FRK: variants seen among roughly 807,000 people sequenced by gnomAD.
FRK encodes tyrosine-protein kinase FRK.
A neutral mutation model predicts 56.4 loss-of-function variants in FRK; 51 were observed. The observed-to-expected ratio is 0.90, with a 90% CI of 0.72 to 1.14. FRK has a LOEUF of 1.14. Among genes scored for constraint, FRK ranks in the 50% most tolerant of loss-of-function variants. The pLI is 0.00. For missense variants in FRK, 570 were observed against 601.4 expected (o/e 0.95, Z 0.55); for synonymous variants, 245 against 217.9 (o/e 1.12, Z -1.10).
chr6:116,091,540 G>A, the FRK span, among the ~76,000 whole-genome samples: 12 of 152,230 alleles, frequency 7.9e-5, no homozygotes, highest in Middle Eastern at 3.4e-3. Flanking sequence ...AGAACCCACC[G>A]GAAGGAACCA....
In FRK at chr6:115,933,071, C is replaced by T. The variant is rs572079077; in HGVS notation, c.*9343G>A. 1.3e-5 allele frequency: 2 copies of T among 152,118 alleles called. No individual in the cohort carries two copies. The highest frequency in any genetic ancestry group is 1.9e-4 in the East Asian group (1 of 5,178). The allele number at this position is 152,118 out of a possible 1,614,324, so 9.4% of individuals were successfully genotyped here. ...GAGTCTACCCTGTGCCTCTTTTGAC[C>T]TTAGGTAACTTAAATCTATTCCCTT... On this transcript the variant is annotated 3_prime_UTR_variant, in exon 8 of 8. Transcript: ENST00000606080.
chr6:115,951,129 T>A (rs929576884), intron 5 of FRK, among the ~76,000 whole-genome samples: 10 of 151,922 alleles, frequency 6.6e-5, no homozygotes, highest in African/African-American at 2.2e-4. Flanking sequence ...GTAACAGAAC[T>A]GCATGTTCTA....
chr6:116,052,656 G>A (rs1025073056), intron 1 of FRK, among the ~76,000 whole-genome samples: 2 of 151,990 alleles, frequency 1.3e-5, no homozygotes, highest in Non-Finnish European at 2.9e-5. Flanking sequence ...GAACAAATAG[G>A]GTGAGACTTG....
At chr6:116,080,654 C>T in the FRK span, among the ~76,000 whole-genome samples, 2 of 151,916 alleles carry the variant, frequency 1.3e-5, no homozygotes, top group African/African-American at 2.4e-5. Context: ...ACTTTCCACA[C>T]GTTAGAGAAA....
intron 5 of FRK, among the ~76,000 whole-genome samples, chr6:115,947,518 G>A (rs759126574): frequency 6.6e-6 from 1 of 151,952 alleles, no homozygotes; most frequent in Non-Finnish European, 1.5e-5. Context: ...CTAGTTCTGG[G>A]CAATGCAATG....
intron 2 of FRK, among the ~76,000 whole-genome samples, chr6:116,000,223 C>CTTTTTTTTTTTTTTTTTT (rs561273499): frequency 1.1e-4 from 6 of 53,110 alleles, no homozygotes; most frequent in South Asian, 1.0e-3. Context: ...ATCATTCTTT[C>CTTTTTTTTTTTTTTTTTT]TTTTTTTTTT....
chr6:116,049,278 C>T (rs921571059), intron 1 of FRK, among the ~76,000 whole-genome samples: 7 of 152,106 alleles, frequency 4.6e-5, no homozygotes, highest in Non-Finnish European at 1.0e-4. Flanking sequence ...TACAACTTGC[C>T]ATTCCCCGAA....
the FRK span, among the ~76,000 whole-genome samples, chr6:116,080,796 C>T: frequency 6.6e-6 from 1 of 152,136 alleles, no homozygotes; most frequent in Non-Finnish European, 1.5e-5. Context: ...CAAATTAACA[C>T]TACAATGAGA....
intron 1 of FRK, among the ~76,000 whole-genome samples, chr6:116,027,402 A>C (rs1776132875): frequency 6.6e-6 from 1 of 152,200 alleles, no homozygotes; most frequent in Non-Finnish European, 1.5e-5. Context: ...CTGGTTTAAA[A>C]AATCGAATCT....
At position 115,952,571 on chromosome 6, in the gene FRK, G is replaced by C. The variant is rs1772808000; in HGVS notation, c.958+3881C>G. Reference sequence around the variant, plus strand: ...ATTTGACCCAGCCATCCCATTACTGGGTATATACCCAAAGGACTATAAATC... The same window carrying C: ...ATTTGACCCAGCCATCCCATTACTGCGTATATACCCAAAGGACTATAAATC... On this transcript the variant is annotated intron_variant, in intron 5 of 7. Transcript: ENST00000606080. Among the ~76,000 whole-genome samples the C allele has an allele frequency of 2.6e-5, 4 of 151,126 alleles. No individual in the cohort carries two copies. The South Asian group carries it at 8.5e-4, about 32-fold the overall frequency.
chr6:115,984,576 A>T (rs1774320468), intron 2 of FRK, among the ~76,000 whole-genome samples: 1 of 151,994 alleles, frequency 6.6e-6, no homozygotes, highest in South Asian at 2.1e-4. Flanking sequence ...TAGATAAACA[A>T]ATGGATGCAC....
In FRK at chr6:115,937,482, C is replaced by G. The variant is rs1328709584; in HGVS notation, c.*4932G>C. Reference sequence around the variant, plus strand: ...TCAAATTCACACATAACAATACTAACCTTAAATGTAAACAGGCTGAATGCC... The same window carrying G: ...TCAAATTCACACATAACAATACTAAGCTTAAATGTAAACAGGCTGAATGCC... On this transcript the variant is annotated 3_prime_UTR_variant, in exon 8 of 8. Transcript: ENST00000606080. 3.3e-5 allele frequency: 5 copies of G among 152,098 alleles called. No homozygotes were observed. Among genetic ancestry groups the G allele is most frequent in the Non-Finnish European group, 7.3e-5 (5 of 68,030 alleles). The allele number at this position is 152,098 out of a possible 1,614,324, so 9.4% of individuals were successfully genotyped here.
At chr6:116,081,373 T>C in the FRK span, among the ~76,000 whole-genome samples, 1 of 152,178 alleles carries the variant, frequency 6.6e-6, no homozygotes, top group African/African-American at 2.4e-5. Flanking sequence ...AATGATTCTA[T>C]AGGCCAGGTG....
Position 115,956,419 on chromosome 6 carries a change from T to C in FRK, c.958+33A>G, listed in dbSNP as rs371558991. ...TATGGGACTAGCTAAATTAAATTCC[T>C]CTTTTTTTCCTTGTATTAAGTCTTT... On this transcript the variant is annotated intron_variant, in intron 5 of 7. Coordinates refer to ENST00000606080, the MANE Select transcript of FRK (RefSeq NM_002031.3). 7 of 1,461,564 alleles carry C rather than the reference T, an allele frequency of 4.8e-6. No individual in the cohort carries two copies. In the African/African-American group the frequency reaches 7.1e-5, roughly 15 times the overall value. 90.5% of individuals were successfully genotyped at this position (1,461,564 alleles called of 1,614,324 possible). A position where few individuals can be genotyped will look rare whatever the true frequency, so the allele number is the denominator to read the frequency against.
rs1772070226 is a variant in FRK at position 115,937,395 on chromosome 6, A to C, written c.*5019T>G. 6.6e-6 allele frequency: 1 copy of C among 152,240 alleles called. No homozygotes were observed. The highest frequency in any genetic ancestry group is 1.9e-4 in the East Asian group (1 of 5,200). 9.4% of individuals were successfully genotyped at this position (152,240 alleles called of 1,614,324 possible). ...ACATACCAAATTGTAAAGATCATCG[A>C]GGATACGAAGAACCTGCATCAACTT... On this transcript the variant is annotated 3_prime_UTR_variant, in exon 8 of 8. Transcript: ENST00000606080.
rs79728946 is a variant in FRK at position 116,039,715 on chromosome 6, G to A, written c.344+20253C>T. Among the ~76,000 whole-genome samples the A allele has an allele frequency of 1.0e-3, 159 of 152,084 alleles. 4 individuals are homozygous for A. In the East Asian group the frequency reaches 0.027, roughly 26 times the overall value. The stretch of plus-strand genomic sequence containing the variant: ...CTTAGTATAATCGTTGGAACTAGAC[G>A]TCACCAAGGTGGCTTCTCCTTGGCT... On this transcript the variant is annotated intron_variant, in intron 1 of 7. Coordinates refer to ENST00000606080, the MANE Select transcript of FRK (RefSeq NM_002031.3).
chr6:115,950,351 A>G (rs1772682156), intron 5 of FRK, among the ~76,000 whole-genome samples: 1 of 152,180 alleles, frequency 6.6e-6, no homozygotes, highest in Non-Finnish European at 1.5e-5. Flanking sequence ...AAAAACCATC[A>G]AAAAGTGGGC....
At chr6:116,018,594 C>T (rs1775744020) in intron 1 of FRK, among the ~76,000 whole-genome samples, 2 of 152,090 alleles carry the variant, frequency 1.3e-5, no homozygotes, top group African/African-American at 4.8e-5. Flanking sequence ...AGAGGATATA[C>T]TCTAATAATA....
intron 5 of FRK, among the ~76,000 whole-genome samples, chr6:115,954,035 A>T (rs1772894318): frequency 6.6e-6 from 1 of 152,358 alleles, no homozygotes; most frequent in Admixed American, 6.5e-5. Flanking sequence ...AAAGAGATTA[A>T]ATTTTAAAAT....
Sources: allele counts gnomAD v4.1 joint callset (sites outside exome capture counted in the v4.1 genomes callset), GRCh38; gene constraint gnomAD v4.1.1; transcripts MANE v1.5; gene names NCBI Gene and HGNC (gene_info 2026-07-23, HGNC 2026-07-21).